The following CD82 variants were observed in gnomAD, a reference collection of about 807,000 sequenced individuals.
CD82 encodes CD82 molecule, also known as CD82 antigen.
In CD82, 36 loss-of-function variants were observed where a neutral mutation model predicts 37.4. That is an observed-to-expected ratio of 0.96 (90% confidence interval 0.74 to 1.27). The LOEUF (loss-of-function observed/expected upper bound fraction) is 1.27. CD82 is among the 50% of genes most tolerant of loss of function. The pLI, the probability that CD82 is intolerant of heterozygous loss-of-function variation, is 0.00. For missense variants in CD82, 340 were observed against 347.0 expected, an observed-to-expected ratio of 0.98 and a Z score of 0.16; for synonymous variants, 158 against 137.4, an observed-to-expected ratio of 1.15 and a Z score of -1.05.
chr11:44,567,245 G>A (rs1852749122), intron 1 of CD82, among the ~76,000 whole-genome samples: 2 of 152,150 alleles, frequency 1.3e-5, no homozygotes, highest in African/African-American at 4.8e-5. Context: ...AAGCAGGGTT[G>A]GACACTGAAG....
chr11:44,581,911 C>CTG (rs1217082913), intron 1 of CD82, among the ~76,000 whole-genome samples: 2 of 152,200 alleles, frequency 1.3e-5, no homozygotes, highest in Admixed American at 6.5e-5. Context: ...TTCTGAAATG[C>CTG]TGTGTGTTTG....
At position 44,594,743 on chromosome 11, in the gene CD82, C is replaced by T. The variant is rs1046504899; in HGVS notation, c.63+18C>T. ...TCTTCTTTGTAAGTATGTCCCATGC[C>T]GTCCTGACCACCTCCGAAAAGATTC... is the stretch of plus-strand genomic sequence containing the variant. On this transcript the variant is annotated intron_variant, in intron 3 of 9. Coordinates refer to ENST00000227155, the MANE Select transcript of CD82 (RefSeq NM_002231.4). 26 of 1,601,158 alleles carry T rather than the reference C, an allele frequency of 1.6e-5. No homozygotes were observed. Among genetic ancestry groups the T allele is most frequent in the East Asian group, 4.5e-5 (2 of 44,826 alleles).
rs1248735795 is a variant in CD82 at position 44,615,311 on chromosome 11, C to T, written c.376C>T (p.Arg126Ter). The change falls in exon 7 of 10, where the codon CGA becomes TGA. Residue 126 changes from arginine (R) to a stop codon, truncating the protein, a stop_gained. Coordinates refer to ENST00000227155, the MANE Select transcript of CD82 (RefSeq NM_002231.4). LOFTEE classifies it high-confidence loss of function. ...GGGCGGCATCGTGACTGAGCTCATT[C>T]GAGACTACAACAGCAGTCGCGAGGA... ...EMGGIVTELI[R>*]DYNSSREDSL... The T allele has an allele frequency of 6.2e-6, 10 of 1,613,408 alleles. No individual in the cohort carries two copies. In the Admixed American group the frequency reaches 6.7e-5, roughly 11 times the overall value.
chr11:44,578,994 C>G (rs1268212573), intron 1 of CD82, among the ~76,000 whole-genome samples: 1 of 152,130 alleles, frequency 6.6e-6, no homozygotes, highest in African/African-American at 2.4e-5. Flanking sequence ...TTTGTCTTAG[C>G]CGCTGCCAGC....
At chr11:44,599,005 C>A (rs1426003960) in intron 3 of CD82, among the ~76,000 whole-genome samples, 1 of 152,254 alleles carries the variant, frequency 6.6e-6, no homozygotes, top group Non-Finnish European at 1.5e-5. Context: ...ATGGCAGGCA[C>A]TTCCCCAGCC....
At chr11:44,601,052 G>T (rs937880699) in intron 4 of CD82, among the ~76,000 whole-genome samples, 2 of 152,134 alleles carry the variant, frequency 1.3e-5, no homozygotes, top group African/African-American at 4.8e-5. Context: ...CCTCCTCCAG[G>T]AAGCCGTCAG....
chr11:44,612,199 GTGGTT>G (rs1390916879), intron 6 of CD82, among the ~76,000 whole-genome samples: 1 of 152,214 alleles, frequency 6.6e-6, no homozygotes, highest in African/African-American at 2.4e-5. Flanking sequence ...GTATAGCCGT[GTGGTT>G]TAAATGCCAA....
intron 1 of CD82, among the ~76,000 whole-genome samples, chr11:44,583,208 G>A (rs1179908713): frequency 6.6e-6 from 1 of 152,246 alleles, no homozygotes; most frequent in Non-Finnish European, 1.5e-5. Flanking sequence ...CAAGGGAGCT[G>A]TGGAAAGCAA....
At chr11:44,592,900 T>C (rs1053437560) in intron 2 of CD82, among the ~76,000 whole-genome samples, 1 of 152,224 alleles carries the variant, frequency 6.6e-6, no homozygotes, top group African/African-American at 2.4e-5. Context: ...TTTGCTTCCA[T>C]GCCGCTTGTG....
intron 2 of CD82, among the ~76,000 whole-genome samples, chr11:44,589,012 T>G (rs1013754592): frequency 2.0e-5 from 3 of 152,302 alleles, no homozygotes; most frequent in African/African-American, 7.2e-5. Flanking sequence ...ATCCCAGCAC[T>G]TTGGGAGGCC....
At chr11:44,592,206 A>G (rs565250117) in intron 2 of CD82, among the ~76,000 whole-genome samples, 1 of 152,030 alleles carries the variant, frequency 6.6e-6, no homozygotes, top group Admixed American at 6.6e-5. Context: ...AAGTGTAGAA[A>G]CCCCTTTCCC....
chr11:44,611,871 C>A (rs1452356647), intron 6 of CD82, among the ~76,000 whole-genome samples: 3 of 151,490 alleles, frequency 2.0e-5, no homozygotes, highest in African/African-American at 7.2e-5. Flanking sequence ...GTGGAAACCA[C>A]CCAGCTTCCA....
chr11:44,610,767 T>G (rs1308725548), intron 6 of CD82, among the ~76,000 whole-genome samples: 2 of 152,336 alleles, frequency 1.3e-5, no homozygotes, highest in East Asian at 3.9e-4. Context: ...AAGACAGGGC[T>G]GGCTTCCTCG....
chr11:44,568,513 T>G, intron 1 of CD82, among the ~76,000 whole-genome samples: 1 of 119,104 alleles, frequency 8.4e-6, no homozygotes, highest in African/African-American at 3.1e-5. Context: ...AGCAGTAAGT[T>G]TGGGGGTCGG....
rs34301171 is a variant in CD82 at position 44,612,623 on chromosome 11, A to ATTTTTTTTTTTT, written c.337-2633_337-2622dup. On this transcript the variant is annotated intron_variant, in intron 6 of 9. Transcript: ENST00000227155. ...ATCAGAGGCTGGTTTCCCAGCATTA[A>ATTTTTTTTTTTT]TTTTTTTTTTTTTTTTTTTTTTTTT... Among the ~76,000 whole-genome samples, 15 of 63,076 alleles carry ATTTTTTTTTTTT rather than the reference A, an allele frequency of 2.4e-4. 2 individuals carry two copies. Among genetic ancestry groups the ATTTTTTTTTTTT allele is most frequent in the African/African-American group, 8.4e-4 (12 of 14,236 alleles). The allele number at this position is 63,076 out of a possible 152,430, so 41.4% of individuals were successfully genotyped here.
At position 44,618,339 on chromosome 11, in the gene CD82, C is replaced by T; in HGVS notation, c.616C>T (p.Pro206Ser). The change falls in exon 8 of 10, where the codon CCT (proline) becomes TCT (serine). Residue 206 changes from proline to serine, a missense_variant. Physicochemically the swap from Pro to Ser is moderately conservative, Grantham distance 74. Coordinates refer to ENST00000227155, the MANE Select transcript of CD82 (RefSeq NM_002231.4). Reference protein sequence around the residue: ...PGNRTQSGNHPEDWPVYQEGC... With the variant: ...PGNRTQSGNHSEDWPVYQEGC... ...CAACAGGACCCAGAGTGGCAACCAC[C>T]CTGAGGACTGGCCTGTGTACCAGGA... 1 of 1,613,456 alleles carries T rather than the reference C, an allele frequency of 6.2e-7. No homozygotes were observed. The highest frequency in any genetic ancestry group is 8.5e-7 in the Non-Finnish European group (1 of 1,179,988).
chr11:44,612,757 C>T (rs1156842433), intron 6 of CD82, among the ~76,000 whole-genome samples: 6 of 149,668 alleles, frequency 4.0e-5, no homozygotes, highest in Admixed American at 6.7e-5. Context: ...CTCAGTCTCG[C>T]GAGTAGCTGG....
rs1441544510 is a variant in CD82, at chr11:44,598,426, T to TTTTTTTC, written c.64-1729_64-1728insTTTCTTT. Among the ~76,000 whole-genome samples the TTTTTTTC allele has an allele frequency of 3.3e-5, 4 of 122,158 alleles. 1 individual carries two copies. The highest frequency in any genetic ancestry group is 6.9e-5 in the Non-Finnish European group (4 of 57,712). The allele number at this position is 122,158 out of a possible 152,430, so 80.1% of individuals were successfully genotyped here. On this transcript the variant is annotated intron_variant, in intron 3 of 9. Transcript: ENST00000227155. ...TTTTTTTTTTTTTTTTTTTTTTTTT[T>TTTTTTTC]TTTGAGACGGAGTCTCACTCTTGTT...
Position 44,618,338 on chromosome 11 carries a change from C to A in CD82, c.615C>A (p.His205Gln), listed in dbSNP as rs776479933. 3.1e-6 allele frequency: 5 copies of A among 1,613,374 alleles called. No homozygotes were observed. In the African/African-American group the frequency reaches 4.0e-5, roughly 13 times the overall value. The change falls in exon 8 of 10, where the codon CAC becomes CAA. Residue 205 changes from histidine (H) to glutamine (Q), a missense_variant. By Grantham distance (24) the His-to-Gln change is conservative. Coordinates refer to ENST00000227155, the MANE Select transcript of CD82 (RefSeq NM_002231.4). ...APGNRTQSGN[H>Q]PEDWPVYQEG... ...GCAACAGGACCCAGAGTGGCAACCA[C>A]CCTGAGGACTGGCCTGTGTACCAGG...
Sources: allele counts gnomAD v4.1 joint callset (sites outside exome capture counted in the v4.1 genomes callset), GRCh38; gene constraint gnomAD v4.1.1; transcripts MANE v1.5; gene names NCBI Gene and HGNC (gene_info 2026-07-23, HGNC 2026-07-21).